Variants in HECTD4 observed in about 807,000 individuals in gnomAD.
HECTD4 encodes probable E3 ubiquitin-protein ligase HECTD4.
Under a neutral mutation model 471.5 loss-of-function variants are expected in HECTD4, and 114 were observed. The observed-to-expected ratio is 0.24, with a 90% CI of 0.21 to 0.28. HECTD4 has a LOEUF of 0.28. Ranked by LOEUF, HECTD4 falls within the 10% of genes least tolerant of loss-of-function variation. HECTD4 has a pLI of 1.00. For synonymous variants in HECTD4, 2,012 were observed against 2,256.0 expected, an observed-to-expected ratio of 0.89 and a Z score of 3.07; for missense variants, 3,866 against 5,651.5, an observed-to-expected ratio of 0.68 and a Z score of 10.13.
At chr12:112,203,823 G>C (rs771945442) in intron 53 of HECTD4, 51 bp from the exon 54 acceptor site, 77 of 1,315,136 alleles carry the variant, frequency 5.9e-5, no homozygotes, top group Middle Eastern at 1.9e-4. Flanking sequence ...CACTGCATCT[G>C]GGTTCTTACA....
chr12:112,300,815 G>A (rs115986672), intron 7 of HECTD4, among the ~76,000 whole-genome samples: 1,989 of 152,162 alleles, frequency 0.013, 53 homozygotes, highest in African/African-American at 0.046. Flanking sequence ...GCTCAGGCTG[G>A]TCTTGAACTT....
At position 112,162,771 on chromosome 12, in the gene HECTD4, T is replaced by C. The variant is rs1232606198; in HGVS notation, c.13121-248A>G. 5.6e-6 allele frequency: 3 copies of C among 532,062 alleles called. No individual in the cohort carries two copies. The African/African-American group carries it at 5.8e-5, about 10-fold the overall frequency. The allele number at this position is 532,062 out of a possible 1,614,324, so 33.0% of individuals were successfully genotyped here. A position where few individuals can be genotyped will look rare whatever the true frequency, so the allele number is the denominator to read the frequency against. The stretch of plus-strand genomic sequence containing the variant: ...TTGTCTGCCCAGCAAATTGTTTCTT[T>C]TTTTTTTTTTTTAACCATTTTTCTG... On this transcript the variant is annotated intron_variant, in intron 75 of 75. Transcript: ENST00000682272. This position sits in a 1 kb window ranked among gnomAD's most constrained non-coding sequence, Gnocchi z 5.2.
rs955330932 is a variant in HECTD4 at position 112,188,433 on chromosome 12, G to T, written c.9472+2353C>A. On this transcript the variant is annotated intron_variant, in intron 60 of 75. Transcript: ENST00000682272. This position sits in a 1 kb window ranked among gnomAD's most constrained non-coding sequence, Gnocchi z 4.2. Reference sequence around the variant, plus strand: ...AGATGGACCACACGTTTGTGCCAAGGTCTCCTTCATACCAGAGGCATATCT... The same window carrying T: ...AGATGGACCACACGTTTGTGCCAAGTTCTCCTTCATACCAGAGGCATATCT... Among the ~76,000 whole-genome samples, 1 of 152,162 alleles carries T rather than the reference G, an allele frequency of 6.6e-6. No individual in the cohort carries two copies.
At chr12:112,313,919 T>C (rs1450178126) in intron 3 of HECTD4, among the ~76,000 whole-genome samples, 2 of 152,224 alleles carry the variant, frequency 1.3e-5, no homozygotes, top group Non-Finnish European at 2.9e-5. Flanking sequence ...AGGAAGCATA[T>C]GTACCAAAAT....
At chr12:112,175,951 T>C in intron 65 of HECTD4, 92 bp from the exon 66 acceptor site, 1 of 1,495,992 alleles carries the variant, frequency 6.7e-7, no homozygotes, top group Non-Finnish European at 9.1e-7. Context: ...GCCTCTCCCC[T>C]ACGGCCCAAC....
At chr12:112,316,854 T>TAA (rs529342848) in intron 2 of HECTD4, among the ~76,000 whole-genome samples, 1 of 140,188 alleles carries the variant, frequency 7.1e-6, no homozygotes. Context: ...GGAACCATGT[T>TAA]AAAAAAAAAA....
intron 7 of HECTD4, among the ~76,000 whole-genome samples, chr12:112,294,837 C>G (rs2034969068): frequency 6.6e-6 from 1 of 151,948 alleles, no homozygotes; most frequent in South Asian, 2.1e-4. Context: ...TCTAAAAAGC[C>G]CATTGTTAAA....
rs766703893 is a variant in HECTD4 at position 112,219,378 on chromosome 12, G to C, written c.7074+8C>G. On this transcript the variant is annotated splice_region_variant and intron_variant, in intron 45 of 75. Coordinates refer to ENST00000682272, the MANE Select transcript of HECTD4 (RefSeq NM_001388303.1). ...TGCAGGAGGCGCGAAGCACCGCAGA[G>C]GGCTCACCTGTCTTCGGTCAGCCTG... 2 of 1,608,160 alleles carry C rather than the reference G, an allele frequency of 1.2e-6. No individual in the cohort carries two copies. Among genetic ancestry groups the C allele is most frequent in the Admixed American group, 1.7e-5 (1 of 59,906 alleles).
In HECTD4 at chr12:112,250,306, A is replaced by G; in HGVS notation, c.3788T>C (p.Leu1263Pro). ...ALTPSPSPLPLTIEEDREFTY... is the reference protein window; with the variant it reads ...ALTPSPSPLPPTIEEDREFTY... ...GAATTCTCTGTCTTCCTCTATGGTC[A>G]GAGGCAGTGGAGAGGGGCTCGGAGT... The change falls in exon 25 of 76, where the codon CTG becomes CCG. Residue 1263 changes from leucine to proline, a missense_variant. Coordinates refer to ENST00000682272, the MANE Select transcript of HECTD4 (RefSeq NM_001388303.1). 1 of 1,614,026 alleles carries G rather than the reference A, an allele frequency of 6.2e-7. No individual in the cohort carries two copies. Among genetic ancestry groups the G allele is most frequent in the Non-Finnish European group, 8.5e-7 (1 of 1,179,884 alleles).
At chr12:112,256,226 G>T (rs2135595038) in intron 21 of HECTD4, 94 bp downstream of exon 21, 3 of 922,118 alleles carry the variant, frequency 3.3e-6, no homozygotes, top group Middle Eastern at 2.6e-4. Context: ...ACAGAAATCA[G>T]TCAAGAATGG....
chr12:112,219,324 TG>T, intron 45 of HECTD4, 61 bp downstream of exon 45: 1 of 1,203,294 alleles, frequency 8.3e-7, no homozygotes, highest in Non-Finnish European at 1.2e-6. Flanking sequence ...AACTTGCTGC[TG>T]GCCTTACTCA....
intron 1 of HECTD4, among the ~76,000 whole-genome samples, chr12:112,366,124 T>G (rs2036553150): frequency 1.3e-5 from 2 of 152,116 alleles, no homozygotes; most frequent in South Asian, 4.1e-4. Context: ...TAACAAAATT[T>G]TATTAAATTT....
intron 1 of HECTD4, among the ~76,000 whole-genome samples, chr12:112,331,164 G>A (rs2035839355): frequency 6.6e-6 from 1 of 152,038 alleles, no homozygotes. Flanking sequence ...GCCGCCTCCC[G>A]GATTCAAGTG....
intron 2 of HECTD4, among the ~76,000 whole-genome samples, chr12:112,315,056 C>T (rs917865215): frequency 1.3e-5 from 2 of 152,144 alleles, no homozygotes; most frequent in Non-Finnish European, 2.9e-5. Context: ...CTTCTGTATC[C>T]CTCTGACTGC....
intron 7 of HECTD4, among the ~76,000 whole-genome samples, chr12:112,300,503 G>T (rs756236565): frequency 6.6e-6 from 1 of 152,088 alleles, no homozygotes; most frequent in Non-Finnish European, 1.5e-5. Flanking sequence ...TTGGTAATCT[G>T]AAATTTCATG....
At position 112,163,719 on chromosome 12, in the gene HECTD4, G is replaced by A. The variant is rs540965990; in HGVS notation, c.12720C>T (p.Ile4240=). ...HILVAWENKD[I]YAAAIRSLRL... is the part of the protein sequence containing the mutation. ...GCAGGCTCCGGATGGCTGCCGCGTA[G>A]ATGTCCTTGTTCTCCCACCTGCCCG... The change falls in exon 74 of 76, where the codon ATC becomes ATT. Residue 4240 remains isoleucine, a synonymous_variant. Coordinates refer to ENST00000682272, the MANE Select transcript of HECTD4 (RefSeq NM_001388303.1). This position sits in a 1 kb window ranked among gnomAD's most constrained non-coding sequence, Gnocchi z 8.2. 6.7e-7 allele frequency: 1 copy of A among 1,486,310 alleles called. No homozygotes were observed. Among genetic ancestry groups the A allele is most frequent in the Non-Finnish European group, 9.0e-7 (1 of 1,116,312 alleles). The allele number at this position is 1,486,310 out of a possible 1,614,324, so 92.1% of individuals were successfully genotyped here. A position where few individuals can be genotyped will look rare whatever the true frequency, so the allele number is the denominator to read the frequency against.
chr12:112,382,124 C>T lies in HECTD4; in HGVS notation c.5G>A (p.Gly2Asp). 1 of 1,221,914 alleles carries T rather than the reference C, an allele frequency of 8.2e-7. No individual in the cohort carries two copies. Among genetic ancestry groups the T allele is most frequent in the Non-Finnish European group, 1.0e-6 (1 of 983,768 alleles). The allele number at this position is 1,221,914 out of a possible 1,614,324, so 75.7% of individuals were successfully genotyped here. The change falls in exon 1 of 76, where the codon GGC (glycine) becomes GAC (aspartate). Residue 2 changes from glycine to aspartate, a missense_variant. Gly to Asp is a moderately conservative substitution (Grantham distance 94). Coordinates refer to ENST00000682272, the MANE Select transcript of HECTD4 (RefSeq NM_001388303.1). Reference protein sequence around the residue: MGSSAAAAAAAA... With the variant: MDSSAAAAAAAA... Reference sequence around the variant, plus strand: ...CGCCGCCGCCGCGGCCGCCGACGAGCCCATGGCCCCGGCTGAAGGCTTGGC... The same window carrying T: ...CGCCGCCGCCGCGGCCGCCGACGAGTCCATGGCCCCGGCTGAAGGCTTGGC...
chr12:112,256,196 C>A, intron 21 of HECTD4, 124 bp downstream of exon 21: 1 of 650,816 alleles, frequency 1.5e-6, no homozygotes, highest in Admixed American at 3.4e-5. Flanking sequence ...TAGGAAAGTT[C>A]TCCTTAGAGA....
At position 112,161,314 on chromosome 12, in the gene HECTD4, T is replaced by A. The variant is rs1036544640; in HGVS notation, c.*1073A>T. On this transcript the variant is annotated 3_prime_UTR_variant, in exon 76 of 76. Transcript: ENST00000682272. Reference sequence around the variant, plus strand: ...TGGCATACACACTTACATGGGGTGATGGGGAGTGCTGGGTGGGGCTGGCCA... The same window carrying A: ...TGGCATACACACTTACATGGGGTGAAGGGGAGTGCTGGGTGGGGCTGGCCA... The A allele has an allele frequency of 6.6e-6, 1 of 152,082 alleles. No homozygotes were observed. Among genetic ancestry groups the A allele is most frequent in the African/African-American group, 2.4e-5 (1 of 41,398 alleles). The allele number at this position is 152,082 out of a possible 1,614,324, so 9.4% of individuals were successfully genotyped here.
Sources: allele counts gnomAD v4.1 joint callset (sites outside exome capture counted in the v4.1 genomes callset), GRCh38; gene constraint gnomAD v4.1.1; non-coding constraint Gnocchi (gnomAD v3.1); transcripts MANE v1.5; gene names NCBI Gene and HGNC (gene_info 2026-07-23, HGNC 2026-07-21).